NBPF11: variants seen among roughly 807,000 people sequenced by gnomAD.
The protein encoded by NBPF11 is NBPF family member NBPF11.
Under a neutral mutation model 93.9 loss-of-function variants are expected in NBPF11, and 72 were observed. The observed-to-expected ratio is 0.77, with a 90% CI of 0.63 to 0.93. The LOEUF (loss-of-function observed/expected upper bound fraction) is 0.93, where lower values mean the gene tolerates loss of function less well. Among genes scored for constraint, NBPF11 ranks in the 40% least tolerant of loss-of-function variants. NBPF11 has a pLI of 0.00. For synonymous variants in NBPF11, 224 were observed against 304.9 expected, an observed-to-expected ratio of 0.73 and a Z score of 2.76; for missense variants, 705 against 802.2, an observed-to-expected ratio of 0.88 and a Z score of 1.46.
Position 148,103,868 on chromosome 1 carries a change from T to A in NBPF11, c.*28A>T. On this transcript the variant is annotated 3_prime_UTR_variant, in exon 24 of 24. Coordinates refer to ENST00000682118, the MANE Select transcript of NBPF11 (RefSeq NM_001385469.3). ...CGAATAATATCTATCCAGTGAGTCC[T>A]GTAAGACTTCAGGCACTTCCACTTC... 1.9e-6 allele frequency: 3 copies of A among 1,611,338 alleles called. No homozygotes were observed. In the South Asian group the frequency reaches 3.3e-5, roughly 18 times the overall value.
rs76344132 is a variant in NBPF11, at chr1:148,125,513, C to A, written c.176-512G>T. Among the ~76,000 whole-genome samples the A allele has an allele frequency of 1.5e-3, 227 of 151,940 alleles. 2 individuals carry two copies. Among genetic ancestry groups the A allele is most frequent in the Admixed American group, 8.2e-3 (126 of 15,278 alleles). On this transcript the variant is annotated intron_variant, in intron 5 of 23. Coordinates refer to ENST00000682118, the MANE Select transcript of NBPF11 (RefSeq NM_001385469.3). The stretch of plus-strand genomic sequence containing the variant: ...TGGTTTTAAGAATCATATCTGAAGC[C>A]TAAAGTGTGAGACATAAGACAATAA...
At chr1:148,147,273 G>C (rs1673318071) in intron 1 of NBPF11, among the ~76,000 whole-genome samples, 1 of 152,082 alleles carries the variant, frequency 6.6e-6, no homozygotes. Flanking sequence ...GTGGCTGGGA[G>C]CCCATCGGCT....
rs2149252217 is a variant in NBPF11, at chr1:148,126,855, A to G, written c.149T>C (p.Phe50Ser). The change falls in exon 5 of 24, where the codon TTC (phenylalanine) becomes TCC (serine). Residue 50 changes from phenylalanine (F) to serine (S), a missense_variant. This residue lies in a region of NBPF11 where 128 missense variants were observed against 112.8 expected (regional missense o/e 1.14). Coordinates refer to ENST00000682118, the MANE Select transcript of NBPF11 (RefSeq NM_001385469.3). ...ERCFLTQLAG[F>S]LANRQKKYKY... Reference sequence around the variant, plus strand: ...GTATTTCTTCTGTCGGTTGGCCAGGAAGCCGGCCAGTTGAGTTAGAAAACA... The same window carrying G: ...GTATTTCTTCTGTCGGTTGGCCAGGGAGCCGGCCAGTTGAGTTAGAAAACA... The G allele has an allele frequency of 3.9e-6, 6 of 1,522,132 alleles. No homozygotes were observed. The East Asian group carries it at 1.4e-4, about 34-fold the overall frequency. The allele number at this position is 1,522,132 out of a possible 1,614,324, so 94.3% of individuals were successfully genotyped here. A position where few individuals can be genotyped will look rare whatever the true frequency, so the allele number is the denominator to read the frequency against.
At position 148,124,931 on chromosome 1, in the gene NBPF11, A is replaced by C. The variant is rs782200763; in HGVS notation, c.246T>G (p.Leu82=). ...CCTCAGCTTGCTTGAGCTGCTCTGC[A>C]AGCTTCTCCTCCTTGAACTGTCGCT... ...RNERQFKEEK[L]AEQLKQAEEL... is the part of the protein sequence containing the mutation. Residue 82 remains leucine, a synonymous_variant, in exon 6 of 24, where the codon CTT becomes CTG. Coordinates refer to ENST00000682118, the MANE Select transcript of NBPF11 (RefSeq NM_001385469.3). 7 of 1,610,106 alleles carry C rather than the reference A, an allele frequency of 4.3e-6. No individual in the cohort carries two copies. The South Asian group carries it at 7.7e-5, about 18-fold the overall frequency.
intron 4 of NBPF11, among the ~76,000 whole-genome samples, chr1:148,132,424 T>A (rs1335544053): frequency 6.7e-6 from 1 of 150,002 alleles, no homozygotes; most frequent in Non-Finnish European, 1.5e-5. Context: ...AAATAGGTAG[T>A]GAATTCATTC....
At chr1:148,145,555 G>A (rs1672861831) in intron 1 of NBPF11, among the ~76,000 whole-genome samples, 2 of 149,888 alleles carry the variant, frequency 1.3e-5, no homozygotes, top group Admixed American at 1.3e-4. Flanking sequence ...TAACCATAAA[G>A]GAAAAGATTG....
rs1295983988 is a variant in NBPF11 at position 148,127,934 on chromosome 1, C to T, written c.-35-896G>A. 2.1e-4 allele frequency among the ~76,000 whole-genome samples: 32 copies of T among 151,998 alleles called. 1 individual carries two copies. Among genetic ancestry groups the T allele is most frequent in the African/African-American group, 6.0e-4 (25 of 41,340 alleles). Reference sequence around the variant, plus strand: ...CCTCCCAAAGTGCTGGGATTACAGGCGTGAGCCACCGCACACGGCCGACTT... The same window carrying T: ...CCTCCCAAAGTGCTGGGATTACAGGTGTGAGCCACCGCACACGGCCGACTT... On this transcript the variant is annotated intron_variant, in intron 4 of 23. Coordinates refer to ENST00000682118, the MANE Select transcript of NBPF11 (RefSeq NM_001385469.3).
intron 10 of NBPF11, among the ~76,000 whole-genome samples, chr1:148,120,140 AG>A (rs1215594144): frequency 1.3e-5 from 2 of 151,954 alleles, no homozygotes; most frequent in African/African-American, 4.8e-5. Context: ...CACTAGTCTC[AG>A]ATATTTAGAA....
intron 2 of NBPF11, among the ~76,000 whole-genome samples, chr1:148,142,591 G>A (rs2149294808): frequency 6.6e-6 from 1 of 152,196 alleles, no homozygotes; most frequent in East Asian, 1.9e-4. Flanking sequence ...CACTCCCCCA[G>A]GACCTGGTGG....
intron 2 of NBPF11, among the ~76,000 whole-genome samples, chr1:148,142,033 G>A (rs1323730975): frequency 3.4e-5 from 5 of 145,810 alleles, no homozygotes; most frequent in African/African-American, 1.3e-4. Flanking sequence ...AGGAAGGGAG[G>A]GAGGAAGGAA....
rs1428374859 is a variant in NBPF11 at position 148,147,289 on chromosome 1, A to G, written c.-548-3603T>C. 3.9e-5 allele frequency among the ~76,000 whole-genome samples: 6 copies of G among 152,064 alleles called. No individual in the cohort carries two copies. The East Asian group carries it at 1.2e-3, about 29-fold the overall frequency. ...TGGCTGGGAGCCCATCGGCTGAGGCAGCACTTGGGGCCAAGTGAGGCGAGG... is the reference window on the plus strand; with the variant it reads ...TGGCTGGGAGCCCATCGGCTGAGGCGGCACTTGGGGCCAAGTGAGGCGAGG... On this transcript the variant is annotated intron_variant, in intron 1 of 23. Coordinates refer to ENST00000682118, the MANE Select transcript of NBPF11 (RefSeq NM_001385469.3).
intron 7 of NBPF11, 62 bp from the exon 8 acceptor site, chr1:148,122,863 C>T: frequency 2.5e-6 from 4 of 1,606,894 alleles, no homozygotes; most frequent in East Asian, 4.5e-5. Context: ...CACAGTCAGC[C>T]CAACGTGCAC....
intron 7 of NBPF11, among the ~76,000 whole-genome samples, 187 bp downstream of exon 7, chr1:148,123,666 T>C (rs1668418116): frequency 6.6e-6 from 1 of 151,944 alleles, no homozygotes; most frequent in African/African-American, 2.4e-5. Context: ...ACACTTGCAA[T>C]ACTGTGACCT....
chr1:148,121,897 C>A (rs1195980118), intron 9 of NBPF11, among the ~76,000 whole-genome samples, 158 bp downstream of exon 9: 1 of 151,824 alleles, frequency 6.6e-6, no homozygotes, highest in Non-Finnish European at 1.5e-5. Flanking sequence ...CCACTTGGGC[C>A]TTCCAAAGTG....
chr1:148,148,638 A>C (rs1647361988), intron 1 of NBPF11, among the ~76,000 whole-genome samples: 1 of 151,974 alleles, frequency 6.6e-6, no homozygotes, highest in Non-Finnish European at 1.5e-5. Flanking sequence ...GGACTCCGAG[A>C]GTCCAAAATT....
chr1:148,148,854 C>T (rs1467239535), intron 1 of NBPF11, among the ~76,000 whole-genome samples: 2 of 151,706 alleles, frequency 1.3e-5, no homozygotes, highest in Non-Finnish European at 2.9e-5. Context: ...GGAGGAGAGG[C>T]GCCAGGGCCT....
At chr1:148,130,997 T>C (rs1412919870) in intron 4 of NBPF11, among the ~76,000 whole-genome samples, 2 of 151,824 alleles carry the variant, frequency 1.3e-5, no homozygotes, top group Non-Finnish European at 2.9e-5. Flanking sequence ...ACCATGTATG[T>C]TTGTACTTTC....
At chr1:148,139,964 A>C (rs1314876644) in intron 2 of NBPF11, among the ~76,000 whole-genome samples, 2 of 151,130 alleles carry the variant, frequency 1.3e-5, no homozygotes, top group Non-Finnish European at 2.9e-5. Flanking sequence ...AATGATCTCA[A>C]CCAGGTTCTC....
chr1:148,105,674 G>A, intron 21 of NBPF11, 146 bp from the exon 22 acceptor site: 1 of 608,964 alleles, frequency 1.6e-6, no homozygotes, highest in East Asian at 3.0e-5. Flanking sequence ...TTGCCTTCAT[G>A]TTGGGACAGA....
Sources: gnomAD v4.1 joint callset for allele counts (sites outside exome capture counted in the v4.1 genomes callset) on GRCh38, gnomAD v4.1.1 for gene constraint, gnomAD v4.1.1 regional missense constraint, MANE v1.5 for transcripts, NCBI Gene and HGNC (gene_info 2026-07-23, HGNC 2026-07-21) for gene names.